Variants in TRIM14 observed in about 807,000 individuals in gnomAD.
The protein encoded by TRIM14 is tripartite motif-containing protein 14.
Under a neutral mutation model 44.5 loss-of-function variants are expected in TRIM14, and 28 were observed. The ratio of observed to expected loss-of-function variants is 0.63; its 90% CI spans 0.47 to 0.86. The LOEUF (loss-of-function observed/expected upper bound fraction) is 0.86. Ranked by LOEUF, TRIM14 falls within the 40% of genes least tolerant of loss-of-function variation. TRIM14 has a pLI of 0.00. For synonymous variants in TRIM14, 299 were observed against 269.2 expected (o/e 1.11, Z -1.08); for missense variants, 607 against 611.1 (o/e 0.99, Z 0.07).
chr9:98,077,762 A>G (rs1829653858), intron 6 of TRIM14, among the ~76,000 whole-genome samples: 1 of 152,060 alleles, frequency 6.6e-6, no homozygotes, highest in Non-Finnish European at 1.5e-5. Flanking sequence ...TACTTATTTC[A>G]CAGGGGAGGC....
In TRIM14 at chr9:98,097,986, C is replaced by T. The variant is rs183838416; in HGVS notation, c.537+1945G>A. On this transcript the variant is annotated intron_variant, in intron 3 of 5. Coordinates refer to ENST00000341469, the MANE Select transcript of TRIM14 (RefSeq NM_014788.4). ...GCTGACAATGAGACACAGGCTGAACCGACTGAGGCCACATAAAGACACAAG... is the reference window on the plus strand; with the variant it reads ...GCTGACAATGAGACACAGGCTGAACTGACTGAGGCCACATAAAGACACAAG... 3.0e-4 allele frequency among the ~76,000 whole-genome samples: 46 copies of T among 152,308 alleles called. No homozygotes were observed. In the East Asian group the frequency reaches 7.7e-3, roughly 26 times the overall value.
intron 6 of TRIM14, among the ~76,000 whole-genome samples, chr9:98,070,713 C>A (rs1027856017): frequency 1.3e-5 from 2 of 151,934 alleles, no homozygotes; most frequent in South Asian, 2.1e-4. Context: ...AGCCATCGCG[C>A]CTGGTCACAA....
the TRIM14 span, among the ~76,000 whole-genome samples, chr9:98,056,413 C>T: frequency 5.4e-5 from 8 of 149,268 alleles, no homozygotes; most frequent in Non-Finnish European, 8.8e-5. Context: ...GCGCTCTCCC[C>T]ATGCTCCTGA....
chr9:98,052,356 CTT>C, the TRIM14 span, among the ~76,000 whole-genome samples: 1 of 150,762 alleles, frequency 6.6e-6, no homozygotes, highest in Admixed American at 6.6e-5. Context: ...AAAAAAAAAA[CTT>C]TAATTTTCCT....
chr9:98,093,996 G>A (rs1006979175), intron 4 of TRIM14, among the ~76,000 whole-genome samples: 5 of 152,030 alleles, frequency 3.3e-5, no homozygotes, highest in African/African-American at 7.2e-5. Flanking sequence ...CACCCACCTC[G>A]GCCTCCCAAA....
At chr9:98,079,013 A>G (rs1587928077) in intron 6 of TRIM14, among the ~76,000 whole-genome samples, 2 of 151,290 alleles carry the variant, frequency 1.3e-5, no homozygotes, top group Admixed American at 6.6e-5. Context: ...TTATTTGCTG[A>G]CTCTCTTATT....
At chr9:98,118,150 A>G (rs1489366719) in intron 1 of TRIM14, among the ~76,000 whole-genome samples, 1 of 152,186 alleles carries the variant, frequency 6.6e-6, no homozygotes, top group East Asian at 1.9e-4. Flanking sequence ...GCTGTCAGAC[A>G]TGAGGGCCTA....
intron 2 of TRIM14, among the ~76,000 whole-genome samples, chr9:98,102,991 C>T (rs1453222072): frequency 6.6e-6 from 1 of 152,002 alleles, no homozygotes; most frequent in Non-Finnish European, 1.5e-5. Flanking sequence ...TCAAGACCAG[C>T]CTGGCCAAGA....
In TRIM14 at chr9:98,091,902, G is replaced by T. The variant is rs373437571; in HGVS notation, c.793+7C>A. ...CTCCACCCTATCCCCACTCCCGGGG[G>T]TCTTACATTTCAGCAATAGCGATCG... On this transcript the variant is annotated splice_region_variant and intron_variant, in intron 5 of 5. Transcript: ENST00000341469. 5 of 1,586,652 alleles carry T rather than the reference G, an allele frequency of 3.2e-6. No individual in the cohort carries two copies. The highest frequency in any genetic ancestry group is 2.3e-5 in the South Asian group (2 of 86,098).
chr9:98,055,291 TTACAGGTGTG>T, the TRIM14 span, among the ~76,000 whole-genome samples: 1 of 152,180 alleles, frequency 6.6e-6, no homozygotes, highest in Non-Finnish European at 1.5e-5. Context: ...AGTGCTAGGA[TTACAGGTGTG>T]AGCCACTATG....
the TRIM14 span, among the ~76,000 whole-genome samples, chr9:98,062,381 G>A: frequency 2.0e-5 from 3 of 152,222 alleles, no homozygotes; most frequent in South Asian, 2.1e-4. Flanking sequence ...GAAGAGTACA[G>A]CTCGTGCCAG....
At chr9:98,079,331 T>G (rs1159845030) in intron 6 of TRIM14, among the ~76,000 whole-genome samples, 2 of 152,198 alleles carry the variant, frequency 1.3e-5, no homozygotes, top group African/African-American at 4.8e-5. Flanking sequence ...GTAACATTAA[T>G]GGAATTCTAT....
At chr9:98,056,808 A>G in the TRIM14 span, 1 of 1,611,440 alleles carries the variant, frequency 6.2e-7, no homozygotes, top group Non-Finnish European at 8.5e-7. Context: ...GAGCCGCTGC[A>G]ATGCCGCTGG....
At chr9:98,081,190 A>C (rs889589851), downstream of TRIM14, 3 of 1,455,146 alleles carry the variant, frequency 2.1e-6, no homozygotes, top group Non-Finnish European at 2.8e-6. Context: ...GGCTGATGAA[A>C]TGATCAGTGA....
chr9:98,062,989 T>C, the TRIM14 span, among the ~76,000 whole-genome samples: 1 of 152,046 alleles, frequency 6.6e-6, no homozygotes, highest in East Asian at 1.9e-4. Flanking sequence ...CAGGCTGGAG[T>C]ACAGTGGCGT....
chr9:98,055,677 G>A, the TRIM14 span, among the ~76,000 whole-genome samples: 1 of 152,108 alleles, frequency 6.6e-6, no homozygotes, highest in Non-Finnish European at 1.5e-5. Context: ...AGGCAGTCTA[G>A]TTCCCAGGAA....
chr9:98,044,532 C>T, the TRIM14 span, among the ~76,000 whole-genome samples: 1 of 151,896 alleles, frequency 6.6e-6, no homozygotes, highest in Non-Finnish European at 1.5e-5. Context: ...CGCCACCATG[C>T]CCAGCTAATT....
chr9:98,091,891 C>T lies in TRIM14; in HGVS notation c.793+18G>A. 2.6e-6 allele frequency: 4 copies of T among 1,561,966 alleles called. No individual in the cohort carries two copies. Among genetic ancestry groups the T allele is most frequent in the Non-Finnish European group, 3.5e-6 (4 of 1,148,880 alleles). On this transcript the variant is annotated intron_variant, in intron 5 of 5. Coordinates refer to ENST00000341469, the MANE Select transcript of TRIM14 (RefSeq NM_014788.4). Reference sequence around the variant, plus strand: ...ATCTCCACCGTCTCCACCCTATCCCCACTCCCGGGGGTCTTACATTTCAGC... The same window carrying T: ...ATCTCCACCGTCTCCACCCTATCCCTACTCCCGGGGGTCTTACATTTCAGC...
At chr9:98,073,216 T>C (rs1303926790) in intron 6 of TRIM14, among the ~76,000 whole-genome samples, 2 of 150,330 alleles carry the variant, frequency 1.3e-5, no homozygotes, top group Admixed American at 1.3e-4. Flanking sequence ...GCCCAGCCTA[T>C]TTGTGGCTAC....
Sources: gnomAD v4.1 joint callset for allele counts (sites outside exome capture counted in the v4.1 genomes callset) on GRCh38, gnomAD v4.1.1 for gene constraint, MANE v1.5 for transcripts, NCBI Gene and HGNC (gene_info 2026-07-23, HGNC 2026-07-21) for gene names.